FAM227B: variants seen among roughly 807,000 people sequenced by gnomAD.
The protein encoded by FAM227B is family with sequence similarity 227 member B.
FAM227B carries 88 observed loss-of-function variants against 73.8 expected under a neutral mutation model. The observed-to-expected ratio is 1.19, with a 90% CI of 1.00 to 1.42. The LOEUF is 1.42. FAM227B is among the 40% of genes most tolerant of loss of function. The pLI is 0.00. For synonymous variants in FAM227B, 210 were observed against 190.5 expected (o/e 1.10, Z -0.84); for missense variants, 632 against 590.9 (o/e 1.07, Z -0.72).
At chr15:49,369,052 G>A (rs890230336) in intron 12 of FAM227B, among the ~76,000 whole-genome samples, 7 of 152,132 alleles carry the variant, frequency 4.6e-5, no homozygotes, top group African/African-American at 9.6e-5. Context: ...TCTGCCTCCC[G>A]GGTTCACGCC....
intron 7 of FAM227B, among the ~76,000 whole-genome samples, chr15:49,575,528 T>C (rs777256290): frequency 6.6e-6 from 1 of 152,096 alleles, no homozygotes; most frequent in Non-Finnish European, 1.5e-5. Context: ...CTTCCAAACA[T>C]AATTAAAAGC....
intron 11 of FAM227B, among the ~76,000 whole-genome samples, chr15:49,464,193 C>T (rs960051927): frequency 1.3e-5 from 2 of 152,098 alleles, no homozygotes; most frequent in Admixed American, 6.5e-5. Flanking sequence ...AGAATCTCCA[C>T]AGAGTATGTG....
chr15:49,571,240 A>T (rs576230010), intron 8 of FAM227B, among the ~76,000 whole-genome samples: 59 of 151,938 alleles, frequency 3.9e-4, no homozygotes, highest in African/African-American at 1.4e-3. Context: ...TTGCTTATAT[A>T]TTTTGGACAT....
At chr15:49,371,077 T>C (rs2045772194) in intron 12 of FAM227B, among the ~76,000 whole-genome samples, 1 of 152,106 alleles carries the variant, frequency 6.6e-6, no homozygotes, top group South Asian at 2.1e-4. Context: ...AAAAGATAAA[T>C]ATTATGATAT....
chr15:49,328,843 C>A lies in FAM227B; in HGVS notation c.1420-168G>T, dbSNP rs1292340232. On this transcript the variant is annotated intron_variant, in intron 15 of 15. Transcript: ENST00000299338. The stretch of plus-strand genomic sequence containing the variant: ...CAGACTCATTTGAATATTTGTAAAC[C>A]ATGTAATATATAAATAACCACTTTC... The A allele has an allele frequency of 5.8e-6, 8 of 1,372,958 alleles. No homozygotes were observed. In the South Asian group the frequency reaches 1.2e-4, roughly 20 times the overall value. The allele number at this position is 1,372,958 out of a possible 1,614,324, so 85.0% of individuals were successfully genotyped here. A position where few individuals can be genotyped will look rare whatever the true frequency, so the allele number is the denominator to read the frequency against.
chr15:49,583,398 C>T (rs960857107), intron 5 of FAM227B, among the ~76,000 whole-genome samples: 11 of 151,874 alleles, frequency 7.2e-5, no homozygotes, highest in African/African-American at 2.4e-5. Context: ...AAAATGGCGA[C>T]GAGAGTGAGA....
chr15:49,349,230 C>T (rs1165447972), intron 13 of FAM227B, among the ~76,000 whole-genome samples: 2 of 152,096 alleles, frequency 1.3e-5, no homozygotes, highest in African/African-American at 4.8e-5. Flanking sequence ...AGGTGGCTGA[C>T]AATACTTACA....
At chr15:49,396,831 C>G (rs553012786) in intron 11 of FAM227B, among the ~76,000 whole-genome samples, 3 of 151,782 alleles carry the variant, frequency 2.0e-5, no homozygotes, top group East Asian at 3.9e-4. Flanking sequence ...GACATCCACA[C>G]CAAAAACCCA....
intron 11 of FAM227B, among the ~76,000 whole-genome samples, chr15:49,404,449 T>C (rs1437590178): frequency 2.0e-5 from 3 of 152,216 alleles, no homozygotes; most frequent in African/African-American, 7.2e-5. Flanking sequence ...TACTCCTGTG[T>C]TGGGTGCATA....
chr15:49,540,402 T>A (rs776695963), intron 10 of FAM227B, among the ~76,000 whole-genome samples: 1 of 152,184 alleles, frequency 6.6e-6, no homozygotes, highest in Non-Finnish European at 1.5e-5. Context: ...TTCTGTGCAA[T>A]TATTGGTTTT....
chr15:49,384,205 T>A (rs925081670), intron 11 of FAM227B, among the ~76,000 whole-genome samples: 1 of 152,080 alleles, frequency 6.6e-6, no homozygotes, highest in African/African-American at 2.4e-5. Flanking sequence ...TTAACATCCA[T>A]TACACAGTTC....
intron 11 of FAM227B, chr15:49,485,464 T>C (rs1040536229): frequency 2.1e-5 from 3 of 146,296 alleles, no homozygotes; most frequent in African/African-American, 7.3e-5. Context: ...TTTAAGTTTA[T>C]GTTATTTATA....
At chr15:49,359,758 T>C (rs2043846977) in intron 13 of FAM227B, among the ~76,000 whole-genome samples, 1 of 136,422 alleles carries the variant, frequency 7.3e-6, no homozygotes, top group South Asian at 2.4e-4. Context: ...CAAAGGACTA[T>C]AAATCATGCT....
intron 11 of FAM227B, among the ~76,000 whole-genome samples, chr15:49,464,119 C>T (rs2054055711): frequency 6.6e-6 from 1 of 152,010 alleles, no homozygotes; most frequent in Non-Finnish European, 1.5e-5. Context: ...TGATAAGCCT[C>T]ATGAAGGATG....
At chr15:49,480,890 C>A (rs1301949795) in intron 11 of FAM227B, among the ~76,000 whole-genome samples, 1 of 151,836 alleles carries the variant, frequency 6.6e-6, no homozygotes, top group African/African-American at 2.4e-5. Context: ...ATGACTGGAC[C>A]AAAAAGGGAA....
At chr15:49,384,040 G>A (rs553235288) in intron 11 of FAM227B, among the ~76,000 whole-genome samples, 42 of 152,134 alleles carry the variant, frequency 2.8e-4, no homozygotes, top group African/African-American at 1.0e-3. Context: ...TCCTCCTAAG[G>A]AATTCTCTTG....
At chr15:49,532,245 T>C (rs1201744234) in intron 10 of FAM227B, among the ~76,000 whole-genome samples, 1 of 151,632 alleles carries the variant, frequency 6.6e-6, no homozygotes, top group Non-Finnish European at 1.5e-5. Flanking sequence ...TGAAACATTT[T>C]TAGGGATTAG....
chr15:49,515,656 C>T (rs2059327399), intron 10 of FAM227B, among the ~76,000 whole-genome samples: 2 of 152,242 alleles, frequency 1.3e-5, no homozygotes, highest in South Asian at 4.1e-4. Flanking sequence ...CTAGAATGAA[C>T]TGTGTTTATG....
At chr15:49,492,416 G>A (rs2057200120) in intron 11 of FAM227B, among the ~76,000 whole-genome samples, 1 of 151,692 alleles carries the variant, frequency 6.6e-6, no homozygotes, top group African/African-American at 2.4e-5. Flanking sequence ...ATTCCTGTCT[G>A]TTATTGTTTT....
Sources: gnomAD v4.1 joint callset for allele counts (sites outside exome capture counted in the v4.1 genomes callset) on GRCh38, gnomAD v4.1.1 for gene constraint, MANE v1.5 for transcripts, NCBI Gene and HGNC (gene_info 2026-07-23, HGNC 2026-07-21) for gene names.